Variants in RBBP7 observed in about 807,000 individuals in gnomAD.
The protein encoded by RBBP7 is RB binding protein 7, chromatin remodeling factor.
In RBBP7, 5 loss-of-function variants were observed where a neutral mutation model predicts 35.2. That is an observed-to-expected ratio of 0.14 (90% CI 0.07 to 0.30). RBBP7 has a LOEUF of 0.30. RBBP7 is among the 10% of genes least tolerant of loss of function. The pLI, the probability that RBBP7 is intolerant of heterozygous loss-of-function variation, is 1.00. For synonymous variants in RBBP7, 140 were observed against 118.7 expected (o/e 1.18, Z -1.17); for missense variants, 155 against 327.5 (o/e 0.47, Z 4.07).
At chrX:16,846,685 T>A (rs1312236426) in intron 10 of RBBP7, 2 of 112,354 alleles carry the variant, frequency 1.8e-5, no homozygotes, top group Non-Finnish European at 3.8e-5. Flanking sequence ...AAACACTTCT[T>A]CACAAGGACA....
chrX:16,869,676 C>T (rs1399170723), intron 1 of RBBP7: 2 of 1,069,943 alleles, frequency 1.9e-6, no homozygotes, highest in South Asian at 5.5e-5. Context: ...CGGACAAGGG[C>T]CGCGACCCCG....
At chrX:16,859,634 T>C (rs1930421944) in intron 3 of RBBP7, among the ~76,000 whole-genome samples, 1 of 112,400 alleles carries the variant, frequency 8.9e-6, no homozygotes, top group Non-Finnish European at 1.9e-5. Context: ...CCTGAATTAG[T>C]TGCTGACGCT....
intron 5 of RBBP7, 124 bp downstream of exon 5, chrX:16,857,470 A>G: frequency 9.5e-7 from 1 of 1,054,482 alleles, no homozygotes; most frequent in Non-Finnish European, 1.3e-6. Flanking sequence ...TCCTGGGGGA[A>G]TGTTACCACA....
At chrX:16,862,559 A>T (rs1271537698) in intron 3 of RBBP7, among the ~76,000 whole-genome samples, 7 of 110,656 alleles carry the variant, frequency 6.3e-5, no homozygotes, top group Non-Finnish European at 9.5e-5. Context: ...TTTTTTTTTT[A>T]AATTTTTGGT....
At chrX:16,866,736 T>C (rs752760245) in intron 2 of RBBP7, among the ~76,000 whole-genome samples, 1 of 109,430 alleles carries the variant, frequency 9.1e-6, no homozygotes, top group South Asian at 3.9e-4. Flanking sequence ...TTCCTCAGAG[T>C]CAGGCATTGA....
chrX:16,849,509 T>C (rs2147513935), intron 9 of RBBP7, among the ~76,000 whole-genome samples: 1 of 111,414 alleles, frequency 9.0e-6, no homozygotes, highest in South Asian at 3.8e-4. Context: ...TAGCTATTCA[T>C]TCACAGGCAC....
intron 8 of RBBP7, 66 bp from the exon 9 acceptor site, chrX:16,852,188 T>C: frequency 2.1e-6 from 2 of 932,893 alleles, no homozygotes; most frequent in South Asian, 4.1e-5. Context: ...TGGCTGTTGT[T>C]CTAATCTGAT....
At chrX:16,849,787 G>A (rs1930172256) in intron 9 of RBBP7, among the ~76,000 whole-genome samples, 1 of 112,223 alleles carries the variant, frequency 8.9e-6, no homozygotes, top group South Asian at 3.7e-4. Context: ...ATAAACTGAT[G>A]TGCAATCCCT....
intron 8 of RBBP7, 188 bp downstream of exon 8, chrX:16,852,363 G>A (rs779253750): frequency 1.8e-4 from 100 of 557,613 alleles, no homozygotes; most frequent in African/African-American, 3.5e-4. Flanking sequence ...AAATTTATTC[G>A]ACCCCATAAC....
chrX:16,862,933 T>C (rs767556673), intron 3 of RBBP7, 22 bp downstream of exon 3: 152 of 1,197,635 alleles, frequency 1.3e-4, no homozygotes, highest in Non-Finnish European at 1.6e-4. Context: ...GACACCAATA[T>C]TGGAATATAT....
At chrX:16,853,089 T>G in intron 6 of RBBP7, 1 of 450,574 alleles carries the variant, frequency 2.2e-6, no homozygotes, top group Non-Finnish European at 3.6e-6. Context: ...GTTTTTTAAA[T>G]TAGATTCCTA....
At chrX:16,868,224 G>A (rs1930674573) in intron 2 of RBBP7, among the ~76,000 whole-genome samples, 1 of 111,518 alleles carries the variant, frequency 9.0e-6, no homozygotes, top group Non-Finnish European at 1.9e-5. Flanking sequence ...AGGATTACAG[G>A]AGTATAAACC....
At chrX:16,862,412 T>C (rs752444831) in intron 3 of RBBP7, among the ~76,000 whole-genome samples, 1 of 111,504 alleles carries the variant, frequency 9.0e-6, no homozygotes, top group East Asian at 2.8e-4. Flanking sequence ...AAACAAAAAA[T>C]ACCCATTGCA....
At chrX:16,847,725 ATT>A (rs749567395) in intron 10 of RBBP7, 9 of 91,939 alleles carry the variant, frequency 9.8e-5, no homozygotes, top group Admixed American at 1.2e-4. Context: ...TAATTTATGT[ATT>A]TTTTTTTTTT....
chrX:16,864,999 T>C (rs1457904360), intron 2 of RBBP7, among the ~76,000 whole-genome samples: 10 of 91,906 alleles, frequency 1.1e-4, no homozygotes, highest in African/African-American at 4.3e-4. Flanking sequence ...CTAGGGCTAC[T>C]ACGGAAGACT....
At position 16,853,741 on chromosome X, in the gene RBBP7, G is replaced by T; in HGVS notation, c.699C>A (p.Ala233=). The change falls in exon 6 of 12, where the codon GCC becomes GCA. Residue 233 remains alanine, a synonymous_variant. Transcript: ENST00000380087. ...TGHSAVVEDV[A]WHLLHESLFG... is the part of the protein sequence containing the mutation. ...ACAATGACTCGTGCAGCAGGTGCCA[G>T]GCCACATCCTCTACAACAGCTGAGT... 8.4e-7 allele frequency: 1 copy of T among 1,191,443 alleles called. No homozygotes were observed. Among genetic ancestry groups the T allele is most frequent in the Admixed American group, 2.3e-5 (1 of 42,664 alleles).
intron 3 of RBBP7, among the ~76,000 whole-genome samples, chrX:16,861,275 G>A (rs767924941): frequency 7.8e-4 from 88 of 112,487 alleles, no homozygotes; most frequent in African/African-American, 2.8e-3. Flanking sequence ...AGTAAACTGG[G>A]TAAATCACTT....
chrX:16,849,062 A>G, intron 10 of RBBP7, 182 bp downstream of exon 10: 1 of 363,615 alleles, frequency 2.8e-6, no homozygotes, highest in Non-Finnish European at 4.7e-6. Flanking sequence ...ATAAAAACCT[A>G]CTGGGCTCCA....
At position 16,856,542 on chromosome X, in the gene RBBP7, A is replaced by AAACAAC. The variant is rs79869612; in HGVS notation, c.597+1046_597+1051dup. On this transcript the variant is annotated intron_variant, in intron 5 of 11. Transcript: ENST00000380087. ...CAGACTCCGTCTCAAAAAACAAACA[A>AAACAAC]AACAACAACAACAACAACAACAACA... Among the ~76,000 whole-genome samples, 82 of 106,908 alleles carry AAACAAC rather than the reference A, an allele frequency of 7.7e-4. 1 individual carries two copies. The highest frequency in any genetic ancestry group is 4.7e-3 in the Middle Eastern group (1 of 215). The allele number at this position is 106,908 out of a possible 115,157, so 92.8% of individuals were successfully genotyped here.
Sources: gnomAD v4.1 joint callset for allele counts (sites outside exome capture counted in the v4.1 genomes callset) on GRCh38, gnomAD v4.1.1 for gene constraint, MANE v1.5 for transcripts, NCBI Gene and HGNC (gene_info 2026-07-23, HGNC 2026-07-21) for gene names.